RYR1: variants seen among roughly 807,000 people sequenced by gnomAD.
The protein encoded by RYR1 is central core disease of muscle.
RYR1 carries 342 observed loss-of-function variants against 583.5 expected under a neutral mutation model. The ratio of observed to expected loss-of-function variants is 0.59; its 90% CI spans 0.54 to 0.64. The LOEUF (loss-of-function observed/expected upper bound fraction) is 0.64, where lower values mean the gene tolerates loss of function less well. Ranked by LOEUF, RYR1 falls within the 30% of genes least tolerant of loss-of-function variation. The probability of loss-of-function intolerance (pLI) is 0.00; values close to 1 mark genes in which losing one functional copy is unlikely to be tolerated. For synonymous variants in RYR1, 2,791 were observed against 2,822.5 expected (o/e 0.99, Z 0.35); for missense variants, 6,032 against 6,917.2 (o/e 0.87, Z 4.54).
rs749073447 is a variant in RYR1 at position 38,446,726 on chromosome 19, C to T, written c.758C>T (p.Thr253Ile). 1.4e-5 allele frequency: 22 copies of T among 1,613,836 alleles called. No homozygotes were observed. In the African/African-American group the frequency reaches 1.7e-4, roughly 13 times the overall value. The change falls in exon 9 of 106, where the codon ACT becomes ATT. Residue 253 changes from threonine (T) to isoleucine (I), a missense_variant. Physicochemically the swap from Thr to Ile is moderately conservative, Grantham distance 89. Coordinates refer to ENST00000359596, the MANE Select transcript of RYR1 (RefSeq NM_000540.3). ...LVYYEGGAVC[T>I]HARSLWRLEP... is the part of the protein sequence containing the mutation. ...TACTATGAGGGGGGAGCTGTGTGCA[C>T]TCATGCCCGCTCCCTCTGGAGGCTG...
rs184535779 is a variant in RYR1 at position 38,505,464 on chromosome 19, A to T, written c.8400+66A>T. ...AACCCCCAAATTTGAGGATTCGGGG[A>T]GGAGTGAGGCAATTTCACATGTTTG... On this transcript the variant is annotated intron_variant, in intron 53 of 105. Coordinates refer to ENST00000359596, the MANE Select transcript of RYR1 (RefSeq NM_000540.3). 2,838 of 1,143,018 alleles carry T rather than the reference A, an allele frequency of 2.5e-3. 4 individuals are homozygous for T. The highest frequency in any genetic ancestry group is 3.4e-3 in the Non-Finnish European group (2,635 of 773,906). The allele number at this position is 1,143,018 out of a possible 1,614,324, so 70.8% of individuals were successfully genotyped here.
At chr19:38,520,325 C>G (rs898452369) in intron 67 of RYR1, among the ~76,000 whole-genome samples, 1 of 150,688 alleles carries the variant, frequency 6.6e-6, no homozygotes, top group Non-Finnish European at 1.5e-5. Context: ...CTCAGCCTCC[C>G]AAAGTGTTGG....
chr19:38,497,527 G>T (rs1358361675), intron 42 of RYR1, among the ~76,000 whole-genome samples: 1 of 152,192 alleles, frequency 6.6e-6, no homozygotes, highest in Non-Finnish European at 1.5e-5. Flanking sequence ...TCATAGAAAC[G>T]ACTTCATGGA....
chr19:38,570,313 G>T (rs1973657282), intron 93 of RYR1, among the ~76,000 whole-genome samples: 1 of 151,932 alleles, frequency 6.6e-6, no homozygotes, highest in African/African-American at 2.4e-5. Flanking sequence ...TTAGCTGGGC[G>T]TGGTGGCACA....
chr19:38,580,582 G>C, intron 101 of RYR1, 78 bp downstream of exon 101: 1 of 1,571,818 alleles, frequency 6.4e-7, no homozygotes, highest in Non-Finnish European at 8.7e-7. Flanking sequence ...CCTCCAGGCC[G>C]GGCGTGGTGC....
rs779792576 is a variant in RYR1 at position 38,512,021 on chromosome 19, T to A, written c.9173-51T>A. On this transcript the variant is annotated intron_variant, in intron 61 of 105. Transcript: ENST00000359596. The surrounding 1 kb of genome is among the most constrained non-coding windows in gnomAD (Gnocchi z 5.1). The stretch of plus-strand genomic sequence containing the variant: ...GGGGTGGATGTAGAGGGAGGCACTG[T>A]CCTCTGTCCTCTTAGCCATGGCATC... 6.3e-7 allele frequency: 1 copy of A among 1,587,876 alleles called. No individual in the cohort carries two copies. Among genetic ancestry groups the A allele is most frequent in the East Asian group, 2.3e-5 (1 of 43,716 alleles).
At chr19:38,504,497 A>G (rs915193441) in intron 50 of RYR1, 137 bp downstream of exon 50, 3 of 1,232,738 alleles carry the variant, frequency 2.4e-6, no homozygotes, top group Non-Finnish European at 2.3e-6. Context: ...AGGAGGATCT[A>G]TGGGTTGAGG....
Position 38,455,753 on chromosome 19 carries a change from T to C in RYR1, c.1791+2T>C. On this transcript the variant is annotated splice_donor_variant, in intron 16 of 105. Transcript: ENST00000359596. LOFTEE classifies it high-confidence loss of function. ...GACAAGCATGGGAGGAACCACAAGG[T>C]CGGCCCCTCACCCCTGACCTCTCAT... is the stretch of plus-strand genomic sequence containing the variant. 1 of 1,585,402 alleles carries C rather than the reference T, an allele frequency of 6.3e-7. No homozygotes were observed. The highest frequency in any genetic ancestry group is 8.7e-7 in the Non-Finnish European group (1 of 1,154,950).
rs1173413096 is a variant in RYR1, at chr19:38,543,849, G to T, written c.11986G>T (p.Ala3996Ser). The T allele has an allele frequency of 6.2e-7, 1 of 1,613,722 alleles. No homozygotes were observed. The highest frequency in any genetic ancestry group is 8.5e-7 in the Non-Finnish European group (1 of 1,180,012). Residue 3996 changes from alanine to serine, a missense_variant, in exon 87 of 106, where the codon GCC (alanine) becomes TCC (serine). Ala to Ser is a moderately conservative substitution (Grantham distance 99). Coordinates refer to ENST00000359596, the MANE Select transcript of RYR1 (RefSeq NM_000540.3). The surrounding 1 kb of genome is among the most constrained non-coding windows in gnomAD (Gnocchi z 4.4). Reference protein sequence around the residue: ...DAVVGFLHVFAHMMMKLAQDS... With the variant: ...DAVVGFLHVFSHMMMKLAQDS... ...AGTGGTGGGATTCCTGCACGTGTTC[G>T]CCCACATGATGATGAAGCTCGCTCA... is the stretch of plus-strand genomic sequence containing the variant.
intron 90 of RYR1, among the ~76,000 whole-genome samples, chr19:38,563,193 G>T (rs1973233183): frequency 6.6e-6 from 1 of 152,198 alleles, no homozygotes; most frequent in African/African-American, 2.4e-5. Flanking sequence ...ACTTTCCCCT[G>T]CTTCTCAGGC....
chr19:38,537,292 C>A (rs1428683472), intron 83 of RYR1, among the ~76,000 whole-genome samples: 1 of 152,170 alleles, frequency 6.6e-6, no homozygotes, highest in Non-Finnish European at 1.5e-5. Flanking sequence ...GGTCTAGCCT[C>A]CTCCCCTACC....
rs757438220 is a variant in RYR1 at position 38,561,438 on chromosome 19, A to G, written c.12608A>G (p.Gln4203Arg). 5 of 1,608,816 alleles carry G rather than the reference A, an allele frequency of 3.1e-6. No homozygotes were observed. The African/African-American group carries it at 5.3e-5, about 17-fold the overall frequency. ...GAGATCTCAGAGACCAACCGCGCCC[A>G]GTGGGAGATGCCCCAGGTCAGGGAA... Reference protein sequence around the residue: ...YFEISETNRAQWEMPQVKESK... With the variant: ...YFEISETNRARWEMPQVKESK... Residue 4203 changes from glutamine to arginine, a missense_variant, in exon 90 of 106, where the codon CAG (glutamine) becomes CGG (arginine). Gln to Arg is a conservative substitution (Grantham distance 43). Transcript: ENST00000359596. This position sits in a 1 kb window ranked among gnomAD's most constrained non-coding sequence, Gnocchi z 4.8.
intron 42 of RYR1, among the ~76,000 whole-genome samples, 172 bp from the exon 43 acceptor site, chr19:38,498,936 A>G (rs1265932611): frequency 6.6e-6 from 1 of 152,192 alleles, no homozygotes; most frequent in African/African-American, 2.4e-5. Flanking sequence ...CCTGTTCAAG[A>G]TGGAGTTGCT....
Position 38,499,102 on chromosome 19 carries a change from C to A in RYR1, c.6892-6C>A. 6.2e-7 allele frequency: 1 copy of A among 1,613,962 alleles called. No individual in the cohort carries two copies. Among genetic ancestry groups the A allele is most frequent in the Non-Finnish European group, 8.5e-7 (1 of 1,179,944 alleles). On this transcript the variant is annotated splice_region_variant and splice_polypyrimidine_tract_variant and intron_variant, in intron 42 of 105. Coordinates refer to ENST00000359596, the MANE Select transcript of RYR1 (RefSeq NM_000540.3). This position sits in a 1 kb window ranked among gnomAD's most constrained non-coding sequence, Gnocchi z 7.3. ...TGGTCTCTGACTGAGCCCCTTCTGC[C>A]CCCAGGTTGTGTCCTACCTGGCAGG...
Position 38,502,876 on chromosome 19 carries a change from G to C in RYR1, c.7836-4G>C. 6.2e-7 allele frequency: 1 copy of C among 1,610,088 alleles called. No individual in the cohort carries two copies. The highest frequency in any genetic ancestry group is 8.5e-7 in the Non-Finnish European group (1 of 1,179,870). ...GATTCTACATCTTGTGCATTGTCCC[G>C]CAGGTACATCCGCCCGTCGATGCTG... On this transcript the variant is annotated splice_region_variant and splice_polypyrimidine_tract_variant and intron_variant, in intron 48 of 105. Coordinates refer to ENST00000359596, the MANE Select transcript of RYR1 (RefSeq NM_000540.3).
intron 78 of RYR1, 22 bp from the exon 79 acceptor site, chr19:38,534,698 A>C: frequency 6.2e-7 from 1 of 1,608,028 alleles, no homozygotes. Flanking sequence ...ACTTGCCTTC[A>C]TGTGTCTGCC....
At chr19:38,455,779 C>T (rs773558545) in intron 16 of RYR1, 28 bp downstream of exon 16, 1 of 1,371,450 alleles carries the variant, frequency 7.3e-7, no homozygotes, top group Non-Finnish European at 1.0e-6. Context: ...GACCTCTCAT[C>T]CCCTGAACTC....
Position 38,580,019 on chromosome 19 carries a change from T to C in RYR1, c.14402T>C (p.Leu4801Pro). 1 of 1,614,120 alleles carries C rather than the reference T, an allele frequency of 6.2e-7. No individual in the cohort carries two copies. The highest frequency in any genetic ancestry group is 8.5e-7 in the Non-Finnish European group (1 of 1,180,018). ...CTGGGCTGGTATATGGTGATGTCCC[T>C]CTTGGGACACTACAACAACTTCTTC... is the stretch of plus-strand genomic sequence containing the variant. ...LYLGWYMVMS[L>P]LGHYNNFFFA... Residue 4801 changes from leucine (L) to proline (P), a missense_variant, in exon 100 of 106, where the codon CTC (leucine) becomes CCC (proline). Around this residue, in one of 11 missense-constraint regions of RYR1, gnomAD observed 189 missense variants for 350.3 expected, o/e 0.54. Coordinates refer to ENST00000359596, the MANE Select transcript of RYR1 (RefSeq NM_000540.3).
chr19:38,490,298 G>T, intron 36 of RYR1, 22 bp downstream of exon 36: 1 of 1,607,354 alleles, frequency 6.2e-7, no homozygotes, highest in Non-Finnish European at 8.5e-7. Flanking sequence ...CCTGACGCTG[G>T]CCACTTTTAC....
Sources: gnomAD v4.1 joint callset for allele counts (sites outside exome capture counted in the v4.1 genomes callset) on GRCh38, gnomAD v4.1.1 for gene constraint, gnomAD v4.1.1 regional missense constraint, Gnocchi (gnomAD v3.1) non-coding constraint, MANE v1.5 for transcripts, NCBI Gene and HGNC (gene_info 2026-07-23, HGNC 2026-07-21) for gene names.